F8: variants seen among roughly 807,000 people sequenced by gnomAD.
F8 encodes coagulation factor VIII, also known as antihemophilic factor.
Under a neutral mutation model 140.6 loss-of-function variants are expected in F8, and 12 were observed. That is an observed-to-expected ratio of 0.09 (90% confidence interval 0.05 to 0.14). F8 has a LOEUF of 0.14. F8 is among the 10% of genes least tolerant of loss of function. The pLI is 1.00. For missense variants in F8, 1,354 were observed against 1,720.7 expected (o/e 0.79, Z 3.77); for synonymous variants, 585 against 614.6 (o/e 0.95, Z 0.71).
chrX:154,912,835 G>A (rs1277455792), intron 14 of F8, among the ~76,000 whole-genome samples: 2 of 111,652 alleles, frequency 1.8e-5, no homozygotes, highest in African/African-American at 6.5e-5. Flanking sequence ...GGGGAAGCAA[G>A]GCACCTTTTT....
rs1569560027 is a variant in F8 at position 155,003,696 on chromosome X, C to T, written c.144-4096G>A. ...GGATGCAGCTGGGCGCGGTGGCTCA[C>T]GCCTGTAATCCCAGCACTTTGGGAG... On this transcript the variant is annotated intron_variant, in intron 1 of 25. Transcript: ENST00000360256. 7.2e-5 allele frequency among the ~76,000 whole-genome samples: 8 copies of T among 111,586 alleles called. No homozygotes were observed. The South Asian group carries it at 2.6e-3, about 36-fold the overall frequency.
intron 1 of F8, among the ~76,000 whole-genome samples, chrX:155,001,010 A>C (rs2073643480): frequency 8.9e-6 from 1 of 111,765 alleles, no homozygotes; most frequent in African/African-American, 3.3e-5. Flanking sequence ...ACCATGCCTC[A>C]GATTACCAGG....
chrX:154,918,659 C>T (rs1310275747), intron 14 of F8: 1 of 107,313 alleles, frequency 9.3e-6, no homozygotes, highest in African/African-American at 3.4e-5. Context: ...TCCTCACAGC[C>T]TCTGTTTTGA....
chrX:154,925,879 T>C (rs2073157624), intron 14 of F8, among the ~76,000 whole-genome samples: 1 of 111,808 alleles, frequency 8.9e-6, no homozygotes, highest in South Asian at 3.7e-4. Flanking sequence ...TGGGAAGGCA[T>C]GATTGGTTTT....
rs2073039724 is a variant in F8, at chrX:154,906,586, A to T, written c.5220-13T>A. The T allele has an allele frequency of 8.3e-7, 1 of 1,206,641 alleles. No homozygotes were observed. Among genetic ancestry groups the T allele is most frequent in the African/African-American group, 1.8e-5 (1 of 57,039 alleles). ...GCCACTCTGAGCCCTGGAGAAAAAAAGCAGAGGAAAAGCAATAATTTTATG... is the reference window on the plus strand; with the variant it reads ...GCCACTCTGAGCCCTGGAGAAAAAATGCAGAGGAAAAGCAATAATTTTATG... On this transcript the variant is annotated splice_polypyrimidine_tract_variant and intron_variant, in intron 14 of 25. Transcript: ENST00000360256.
chrX:155,013,419 C>T (rs1282496226), intron 1 of F8, among the ~76,000 whole-genome samples: 1 of 111,261 alleles, frequency 9.0e-6, no homozygotes, highest in Non-Finnish European at 1.9e-5. Flanking sequence ...TGTGTCTTTG[C>T]TCCTCCTTTG....
chrX:155,005,994 T>G lies in F8; in HGVS notation c.144-6394A>C, dbSNP rs142115160. Among the ~76,000 whole-genome samples, 39 of 110,596 alleles carry G rather than the reference T, an allele frequency of 3.5e-4. 1 individual carries two copies. In the East Asian group the frequency reaches 0.01, roughly 29 times the overall value. On this transcript the variant is annotated intron_variant, in intron 1 of 25. Coordinates refer to ENST00000360256, the MANE Select transcript of F8 (RefSeq NM_000132.4). ...TGGGTGTTGATCCAGAGGATCCCCC[T>G]CCTATAAACTTTCTGCATGCAAGAA...
chrX:154,863,191 G>T lies in F8; in HGVS notation c.6466C>A (p.His2156Asn). 4.1e-6 allele frequency: 5 copies of T among 1,208,788 alleles called. No homozygotes were observed. The South Asian group carries it at 8.8e-5, about 21-fold the overall frequency. Residue 2156 changes from histidine to asparagine, a missense_variant, in exon 23 of 26, where the codon CAC (histidine) becomes AAC (asparagine). Transcript: ENST00000360256. ...ATAATTGGAGGGTTAAAAATATTGT[G>T]TTTTATCCCAGATGAATCCACATTG... ...FGNVDSSGIK[H>N]NIFNPPIIAR...
chrX:155,008,571 C>T (rs1557286288), intron 1 of F8, among the ~76,000 whole-genome samples: 1 of 111,684 alleles, frequency 9.0e-6, no homozygotes, highest in Admixed American at 9.3e-5. Flanking sequence ...GGGTGAGGGG[C>T]GCCCGGATGG....
intron 25 of F8, among the ~76,000 whole-genome samples, chrX:154,843,256 C>T (rs1452898689): frequency 2.7e-5 from 3 of 111,706 alleles, no homozygotes; most frequent in South Asian, 3.7e-4. Context: ...AATAAACATA[C>T]GTGTGCATGT....
chrX:154,837,860 C>T, intron 25 of F8, 108 bp from the exon 26 acceptor site: 1 of 799,480 alleles, frequency 1.3e-6, no homozygotes, highest in Non-Finnish European at 1.9e-6. Context: ...CAGGATTAAA[C>T]CCTGGAAGAT....
intron 25 of F8, among the ~76,000 whole-genome samples, chrX:154,845,003 T>G (rs58919031): frequency 0.011 from 1,138 of 103,155 alleles, 23 homozygotes; most frequent in African/African-American, 0.038. Flanking sequence ...TAGCATGAAG[T>G]GTTGTTGAAT....
intron 21 of F8, among the ~76,000 whole-genome samples, chrX:154,896,534 C>CAT (rs1402020467): frequency 1.6e-4 from 16 of 101,825 alleles, no homozygotes; most frequent in African/African-American, 5.2e-4. Context: ...CACACACACA[C>CAT]ACATACACAC....
chrX:154,951,435 C>G (rs782028409), intron 12 of F8, among the ~76,000 whole-genome samples: 3 of 111,354 alleles, frequency 2.7e-5, no homozygotes, highest in Non-Finnish European at 5.7e-5. Context: ...CTCTGTATCC[C>G]TAAACTATAT....
At chrX:155,006,112 G>T (rs2073675658) in intron 1 of F8, among the ~76,000 whole-genome samples, 1 of 112,486 alleles carries the variant, frequency 8.9e-6, no homozygotes, top group African/African-American at 3.2e-5. Flanking sequence ...CACATAAGTT[G>T]TCAGTATGTG....
intron 22 of F8, among the ~76,000 whole-genome samples, chrX:154,867,587 C>G (rs1264721676): frequency 9.5e-6 from 1 of 105,811 alleles, no homozygotes; most frequent in Non-Finnish European, 1.9e-5. Context: ...ACTCAGGAGG[C>G]TGAGGCAGGA....
At chrX:154,961,309 G>T (rs2073394651) in intron 9 of F8, 141 bp from the exon 10 acceptor site, 1 of 456,876 alleles carries the variant, frequency 2.2e-6, no homozygotes, top group Admixed American at 3.3e-5. Flanking sequence ...CAAAATATTT[G>T]GTCTTTTCAT....
At chrX:154,957,372 G>A (rs1557281296) in intron 10 of F8, among the ~76,000 whole-genome samples, 2 of 111,298 alleles carry the variant, frequency 1.8e-5, no homozygotes, top group East Asian at 2.8e-4. Context: ...TTGATTATCC[G>A]GTTGACTGTG....
chrX:155,001,312 CTTTTTTTTTTTTTT>C (rs35281198), intron 1 of F8, among the ~76,000 whole-genome samples: 1 of 75,957 alleles, frequency 1.3e-5, no homozygotes, highest in African/African-American at 5.1e-5. Context: ...TATCGTAAAT[CTTTTTTTTTTTTTT>C]TTTTTTTTGA....
Sources: allele counts gnomAD v4.1 joint callset (sites outside exome capture counted in the v4.1 genomes callset), GRCh38; gene constraint gnomAD v4.1.1; transcripts MANE v1.5; gene names NCBI Gene and HGNC (gene_info 2026-07-23, HGNC 2026-07-21).